FBXO15: variants seen among roughly 807,000 people sequenced by gnomAD.
The protein encoded by FBXO15 is F-box only protein 15.
Under a neutral mutation model 49.5 loss-of-function variants are expected in FBXO15, and 30 were observed. The ratio of observed to expected loss-of-function variants is 0.61; its 90% CI spans 0.45 to 0.82. The LOEUF is 0.82. FBXO15 is among the 40% of genes least tolerant of loss of function. FBXO15 has a pLI of 0.00. For missense variants in FBXO15, 591 were observed against 631.5 expected, an observed-to-expected ratio of 0.94 and a Z score of 0.69; for synonymous variants, 250 against 232.7, an observed-to-expected ratio of 1.07 and a Z score of -0.68.
At chr18:74,128,499 C>T (rs753267690) in intron 5 of FBXO15, among the ~76,000 whole-genome samples, 8 of 152,060 alleles carry the variant, frequency 5.3e-5, no homozygotes, top group Non-Finnish European at 8.8e-5. Context: ...GGTAAGAAAA[C>T]GACATGGTAA....
intron 1 of FBXO15, among the ~76,000 whole-genome samples, chr18:74,145,029 G>C (rs1599198543): frequency 1.3e-5 from 2 of 152,280 alleles, no homozygotes; most frequent in Non-Finnish European, 1.5e-5. Context: ...CCCACTCAAA[G>C]ATAGTTTTAA....
chr18:74,143,898 A>G (rs2145233057), intron 1 of FBXO15, among the ~76,000 whole-genome samples: 1 of 152,264 alleles, frequency 6.6e-6, no homozygotes, highest in Non-Finnish European at 1.5e-5. Flanking sequence ...TCTCCTTAGC[A>G]CACATCACCA....
At chr18:74,146,213 C>T (rs1034697389) in intron 1 of FBXO15, among the ~76,000 whole-genome samples, 1 of 152,210 alleles carries the variant, frequency 6.6e-6, no homozygotes, top group African/African-American at 2.4e-5. Flanking sequence ...GATATTTATA[C>T]ATATTCACAT....
chr18:74,106,153 A>AATT, intron 8 of FBXO15, among the ~76,000 whole-genome samples: 1 of 152,250 alleles, frequency 6.6e-6, no homozygotes, highest in African/African-American at 2.4e-5. Flanking sequence ...TCTGTAGGCT[A>AATT]TGTGTAATTT....
chr18:74,100,591 C>CA (rs1047217473), intron 8 of FBXO15, among the ~76,000 whole-genome samples: 10 of 150,110 alleles, frequency 6.7e-5, no homozygotes, highest in East Asian at 1.9e-4. Flanking sequence ...GAAATTGAAA[C>CA]AAAAAAAATA....
intron 8 of FBXO15, among the ~76,000 whole-genome samples, chr18:74,111,873 T>A (rs989719967): frequency 1.3e-5 from 2 of 152,088 alleles, no homozygotes; most frequent in Non-Finnish European, 2.9e-5. Flanking sequence ...GTAGCTCCCA[T>A]GGATATTAAA....
chr18:74,130,854 A>G (rs1342217757), intron 3 of FBXO15, 196 bp from the exon 4 acceptor site: 2 of 553,330 alleles, frequency 3.6e-6, no homozygotes, highest in African/African-American at 3.8e-5. Context: ...ACACCACCAA[A>G]AACACATTTT....
intron 9 of FBXO15, chr18:74,078,517 C>T (rs187981448): frequency 5.8e-4 from 88 of 152,928 alleles, no homozygotes; most frequent in Middle Eastern, 3.3e-3. Context: ...TAGAAGCTCG[C>T]TCCTTATTTC....
intron 8 of FBXO15, among the ~76,000 whole-genome samples, chr18:74,103,946 T>C (rs542653278): frequency 2.6e-5 from 4 of 152,274 alleles, no homozygotes; most frequent in South Asian, 4.1e-4. Flanking sequence ...GAAAACTTAC[T>C]GGTAAAATTA....
intron 8 of FBXO15, among the ~76,000 whole-genome samples, chr18:74,120,319 G>A (rs9965278): frequency 0.18 from 26,827 of 152,042 alleles, 2,653 homozygotes; most frequent in East Asian, 0.27. Flanking sequence ...CTCTCAACCG[G>A]TATTACCTAA....
At chr18:74,145,270 AAT>A (rs1447289424) in intron 1 of FBXO15, among the ~76,000 whole-genome samples, 1 of 152,248 alleles carries the variant, frequency 6.6e-6, no homozygotes, top group Non-Finnish European at 1.5e-5. Context: ...ATTTAATTGG[AAT>A]ATGAAGGCTA....
At chr18:74,137,159 G>T (rs114317372) in intron 2 of FBXO15, among the ~76,000 whole-genome samples, 1 of 152,060 alleles carries the variant, frequency 6.6e-6, no homozygotes, top group Admixed American at 6.6e-5. Context: ...GAGTTTAAAC[G>T]AAAAGCTTTG....
At chr18:74,087,506 A>T (rs1033329161) in intron 8 of FBXO15, among the ~76,000 whole-genome samples, 2 of 152,084 alleles carry the variant, frequency 1.3e-5, no homozygotes, top group Admixed American at 6.6e-5. Flanking sequence ...TTTTCTGTTC[A>T]TTAGTTCACT....
intron 8 of FBXO15, among the ~76,000 whole-genome samples, chr18:74,109,758 T>C (rs1175764123): frequency 6.6e-6 from 1 of 151,402 alleles, no homozygotes; most frequent in African/African-American, 2.4e-5. Context: ...ATGTTCTCAC[T>C]CGTAGGTGGG....
intron 8 of FBXO15, among the ~76,000 whole-genome samples, chr18:74,090,436 C>G (rs902533640): frequency 6.6e-6 from 1 of 152,040 alleles, no homozygotes; most frequent in African/African-American, 2.4e-5. Flanking sequence ...TATCTCTTGT[C>G]TTCTGCTAAC....
intron 8 of FBXO15, among the ~76,000 whole-genome samples, chr18:74,107,154 ATAAT>A (rs1033296130): frequency 4.6e-5 from 7 of 151,756 alleles, no homozygotes; most frequent in Admixed American, 2.6e-4. Context: ...TTAATTGAAA[ATAAT>A]TAAATATATT....
At position 74,147,540 on chromosome 18, in the gene FBXO15, C is replaced by T. The variant is rs770326491; in HGVS notation, c.116+130G>A. 3.1e-6 allele frequency: 4 copies of T among 1,284,450 alleles called. No homozygotes were observed. The Admixed American group carries it at 1.2e-4, about 38-fold the overall frequency. 79.6% of individuals were successfully genotyped at this position (1,284,450 alleles called of 1,614,324 possible). On this transcript the variant is annotated intron_variant, in intron 1 of 9. Coordinates refer to ENST00000419743, the MANE Select transcript of FBXO15 (RefSeq NM_001142958.2). ...GATTTCCTCCGGTCGTTCTTCCATA[C>T]CCTTCTCACGTTGAAGACGGCCACG... is the stretch of plus-strand genomic sequence containing the variant.
At chr18:74,125,885 G>T in intron 6 of FBXO15, 90 bp downstream of exon 6, 1 of 1,519,508 alleles carries the variant, frequency 6.6e-7, no homozygotes, top group Non-Finnish European at 8.9e-7. Context: ...AAGCTTAAAG[G>T]ATTTTACATT....
At chr18:74,141,620 G>C (rs192310612) in intron 1 of FBXO15, among the ~76,000 whole-genome samples, 1,670 of 152,252 alleles carry the variant, frequency 0.011, 20 homozygotes, top group Middle Eastern at 0.027. Context: ...GAACTTGGAA[G>C]AAAAAGTAAT....
Sources: allele counts gnomAD v4.1 joint callset (sites outside exome capture counted in the v4.1 genomes callset), GRCh38; gene constraint gnomAD v4.1.1; transcripts MANE v1.5; gene names NCBI Gene and HGNC (gene_info 2026-07-23, HGNC 2026-07-21).